SHLD3: variants seen among roughly 807,000 people sequenced by gnomAD.
SHLD3 encodes REV7-interacting novel NHEJ regulator 1.
In SHLD3, 15 loss-of-function variants were observed where a neutral mutation model predicts 21.4. That is an observed-to-expected ratio of 0.70 (90% CI 0.47 to 1.08). The LOEUF (loss-of-function observed/expected upper bound fraction) is 1.08, where lower values mean the gene tolerates loss of function less well. Ranked by LOEUF, SHLD3 falls within the 50% of genes least tolerant of loss-of-function variation. The probability of loss-of-function intolerance (pLI) is 0.00; values close to 1 mark genes in which losing one functional copy is unlikely to be tolerated. For synonymous variants in SHLD3, 103 were observed against 97.2 expected (o/e 1.06, Z -0.35); for missense variants, 273 against 286.1 (o/e 0.95, Z 0.33).
intron 1 of SHLD3, among the ~76,000 whole-genome samples, chr5:65,627,579 G>A (rs37251): frequency 0.62 from 93,990 of 151,284 alleles, 29,442 homozygotes; most frequent in South Asian, 0.65. Context: ...GCTGTAAGCC[G>A]AGATTGTGCC....
chr5:65,625,186 C>T (rs969932476), intron 1 of SHLD3, 80 bp downstream of exon 1: 2 of 1,220,852 alleles, frequency 1.6e-6, no homozygotes, highest in African/African-American at 3.0e-5. Context: ...ATGTAGGCCT[C>T]ATCCTTCTTA....
chr5:65,626,206 A>C (rs549951427), intron 1 of SHLD3: 2 of 152,352 alleles, frequency 1.3e-5, no homozygotes, highest in African/African-American at 4.8e-5. Context: ...TCTCACTTCA[A>C]GTATGTGGAG....
Position 65,625,112 on chromosome 5 carries a change from C to T in SHLD3, c.-121+6C>T, listed in dbSNP as rs754622168. ...GCACCTGCTGGCGCTAAAAGGTAAA[C>T]TTTTGCGAACCTGATTCCCCCTTTT... On this transcript the variant is annotated splice_donor_region_variant and intron_variant, in intron 1 of 1. Transcript: ENST00000510585. 3 of 1,612,236 alleles carry T rather than the reference C, an allele frequency of 1.9e-6. No individual in the cohort carries two copies. The South Asian group carries it at 3.3e-5, about 18-fold the overall frequency.
At chr5:65,628,966 C>T (rs1012190633) in intron 1 of SHLD3, among the ~76,000 whole-genome samples, 3 of 151,856 alleles carry the variant, frequency 2.0e-5, no homozygotes, top group Non-Finnish European at 4.4e-5. Flanking sequence ...TACAGGCATG[C>T]GCCACCACAC....
rs1182179226 is a variant in SHLD3, at chr5:65,630,072, A to G, written c.485A>G (p.His162Arg). ...LQDSLKALNL[H>R]SLYRARWTIE... ...GATAGTTTAAAGGCACTAAATTTACACTCACTTTATAGAGCAAGATGGACA... is the reference window on the plus strand; with the variant it reads ...GATAGTTTAAAGGCACTAAATTTACGCTCACTTTATAGAGCAAGATGGACA... Residue 162 changes from histidine (H) to arginine (R), a missense_variant, in exon 2 of 2, where the codon CAC (histidine) becomes CGC (arginine). His to Arg is a conservative substitution (Grantham distance 29). Transcript: ENST00000510585. 1 of 1,536,080 alleles carries G rather than the reference A, an allele frequency of 6.5e-7. No individual in the cohort carries two copies. The highest frequency in any genetic ancestry group is 1.2e-5 in the South Asian group (1 of 84,064).
Position 65,625,991 on chromosome 5 carries a change from T to G in SHLD3, c.-121+885T>G, listed in dbSNP as rs756839532. 2.6e-5 allele frequency: 4 copies of G among 152,354 alleles called. No homozygotes were observed. The South Asian group carries it at 8.3e-4, about 32-fold the overall frequency. The allele number at this position is 152,354 out of a possible 1,614,324, so 9.4% of individuals were successfully genotyped here. A position where few individuals can be genotyped will look rare whatever the true frequency, so the allele number is the denominator to read the frequency against. ...TGTAGTCATCAGACTTTCTAGAAGC[T>G]CATCAGTCTCATATAATGATGCCTG... On this transcript the variant is annotated intron_variant, in intron 1 of 1. Transcript: ENST00000510585.
chr5:65,629,675 T>C lies in SHLD3; in HGVS notation c.88T>C (p.Phe30Leu), dbSNP rs1430754938. The C allele has an allele frequency of 9.8e-6, 15 of 1,536,080 alleles. No homozygotes were observed. The highest frequency in any genetic ancestry group is 1.2e-5 in the South Asian group (1 of 84,066). ...AATTGCAGAAAAAGCAATTCAAGAC[T>C]TTCCTACTCGTCCGCTATCAAGATT... ...PKIAEKAIQD[F>L]PTRPLSRFIP... Residue 30 changes from phenylalanine (F) to leucine (L), a missense_variant, in exon 2 of 2, where the codon TTT becomes CTT. Coordinates refer to ENST00000510585, the MANE Select transcript of SHLD3 (RefSeq NM_001365341.2).
At position 65,630,298 on chromosome 5, in the gene SHLD3, T is replaced by G. The variant is rs771009301; in HGVS notation, c.711T>G (p.Ile237Met). ...LKGRLALTGK[I>M]NLFVHKYGVI... Reference sequence around the variant, plus strand: ...GAAGATTAGCTCTTACTGGAAAAATTAATTTATTTGTGCATAAATATGGTG... The same window carrying G: ...GAAGATTAGCTCTTACTGGAAAAATGAATTTATTTGTGCATAAATATGGTG... The change falls in exon 2 of 2, where the codon ATT becomes ATG. Residue 237 changes from isoleucine (I) to methionine (M), a missense_variant. By Grantham distance (10) the Ile-to-Met change is conservative (BLOSUM62 1). Coordinates refer to ENST00000510585, the MANE Select transcript of SHLD3 (RefSeq NM_001365341.2). The G allele has an allele frequency of 2.7e-5, 41 of 1,530,504 alleles. No homozygotes were observed. In the African/African-American group the frequency reaches 5.4e-4, roughly 20 times the overall value. 94.8% of individuals were successfully genotyped at this position (1,530,504 alleles called of 1,614,324 possible).
Position 65,629,685 on chromosome 5 carries a change from G to A in SHLD3, c.98G>A (p.Arg33His), listed in dbSNP as rs746062019. ...AEKAIQDFPTRPLSRFIPWFP... is the reference protein window; with the variant it reads ...AEKAIQDFPTHPLSRFIPWFP... ...AAAGCAATTCAAGACTTTCCTACTC[G>A]TCCGCTATCAAGATTTATACCTTGG... Residue 33 changes from arginine (R) to histidine (H), a missense_variant, in exon 2 of 2, where the codon CGT (arginine) becomes CAT (histidine). Coordinates refer to ENST00000510585, the MANE Select transcript of SHLD3 (RefSeq NM_001365341.2). The A allele has an allele frequency of 3.0e-5, 46 of 1,535,800 alleles. No homozygotes were observed. The highest frequency in any genetic ancestry group is 1.7e-4 in the Middle Eastern group (1 of 6,012).
chr5:65,628,845 A>G (rs1161107821), intron 1 of SHLD3, among the ~76,000 whole-genome samples: 1 of 149,904 alleles, frequency 6.7e-6, no homozygotes, highest in Non-Finnish European at 1.5e-5. Context: ...TTTTAATGAG[A>G]TGAAGTCTTG....
chr5:65,629,482 T>G lies in SHLD3; in HGVS notation c.-106T>G. The stretch of plus-strand genomic sequence containing the variant: ...TTCTACTTTAGGTCCTGTTTCCCTC[T>G]GATTTGGCAAGAGAGACAATCTTGC... On this transcript the variant is annotated 5_prime_UTR_variant, in exon 2 of 2. An upstream open reading frame in the 5' UTR loses its in-frame stop. Transcript: ENST00000510585. 7.0e-7 allele frequency: 1 copy of G among 1,430,202 alleles called. No homozygotes were observed. Among genetic ancestry groups the G allele is most frequent in the Non-Finnish European group, 9.1e-7 (1 of 1,097,098 alleles). 88.6% of individuals were successfully genotyped at this position (1,430,202 alleles called of 1,614,324 possible).
In SHLD3 at chr5:65,630,312, A is replaced by C. The variant is rs1319733113; in HGVS notation, c.725A>C (p.His242Pro). The C allele has an allele frequency of 6.6e-7, 1 of 1,525,650 alleles. No homozygotes were observed. Among genetic ancestry groups the C allele is most frequent in the Non-Finnish European group, 8.8e-7 (1 of 1,140,492 alleles). The allele number at this position is 1,525,650 out of a possible 1,614,324, so 94.5% of individuals were successfully genotyped here. A position where few individuals can be genotyped will look rare whatever the true frequency, so the allele number is the denominator to read the frequency against. Residue 242 changes from histidine to proline, a missense_variant, in exon 2 of 2, where the codon CAT becomes CCT. Transcript: ENST00000510585. ...ACTGGAAAAATTAATTTATTTGTGC[A>C]TAAATATGGTGTTATTTTTAGTATG... ...ALTGKINLFVHKYGVIFSM is the reference protein window; with the variant it reads ...ALTGKINLFVPKYGVIFSM
Position 65,629,484 on chromosome 5 carries a change from A to G in SHLD3, c.-104A>G. On this transcript the variant is annotated 5_prime_UTR_variant, in exon 2 of 2. It removes the in-frame stop codon of an upstream open reading frame in the 5' UTR. Coordinates refer to ENST00000510585, the MANE Select transcript of SHLD3 (RefSeq NM_001365341.2). Reference sequence around the variant, plus strand: ...CTACTTTAGGTCCTGTTTCCCTCTGATTTGGCAAGAGAGACAATCTTGCAA... The same window carrying G: ...CTACTTTAGGTCCTGTTTCCCTCTGGTTTGGCAAGAGAGACAATCTTGCAA... 2.1e-6 allele frequency: 3 copies of G among 1,431,276 alleles called. No individual in the cohort carries two copies. The highest frequency in any genetic ancestry group is 1.8e-6 in the Non-Finnish European group (2 of 1,097,698). 88.7% of individuals were successfully genotyped at this position (1,431,276 alleles called of 1,614,324 possible). A position where few individuals can be genotyped will look rare whatever the true frequency, so the allele number is the denominator to read the frequency against.
At chr5:65,629,446 C>T (rs967550520) in intron 1 of SHLD3, 22 bp from the exon 2 acceptor site, 1 of 1,396,804 alleles carries the variant, frequency 7.2e-7, no homozygotes. Flanking sequence ...ATATCTTATT[C>T]TTTGCAATAC....
At chr5:65,627,805 A>G (rs1026562494) in intron 1 of SHLD3, among the ~76,000 whole-genome samples, 4 of 152,200 alleles carry the variant, frequency 2.6e-5, no homozygotes, top group African/African-American at 9.6e-5. Flanking sequence ...TAAAATATGG[A>G]TGTTAAAGAT....
rs1755446970 is a variant in SHLD3 at position 65,629,747 on chromosome 5, A to G, written c.160A>G (p.Lys54Glu). The G allele has an allele frequency of 1.3e-6, 2 of 1,536,084 alleles. No individual in the cohort carries two copies. Among genetic ancestry groups the G allele is most frequent in the Non-Finnish European group, 1.7e-6 (2 of 1,146,878 alleles). The change falls in exon 2 of 2, where the codon AAA (lysine) becomes GAA (glutamate). Residue 54 changes from lysine (K) to glutamate (E), a missense_variant. Physicochemically the swap from Lys to Glu is moderately conservative, Grantham distance 56 (BLOSUM62 1). Coordinates refer to ENST00000510585, the MANE Select transcript of SHLD3 (RefSeq NM_001365341.2). ...TGGGTCCAAGCTTCCACTCAGACCTAAAAGATCACCACCTGTGATTTCTGA... is the reference window on the plus strand; with the variant it reads ...TGGGTCCAAGCTTCCACTCAGACCTGAAAGATCACCACCTGTGATTTCTGA... Reference protein sequence around the residue: ...YDGSKLPLRPKRSPPVISEEA... With the variant: ...YDGSKLPLRPERSPPVISEEA...
In SHLD3 at chr5:65,629,722, TG is replaced by T; in HGVS notation, c.138del (p.Ser47ProfsTer13). The T allele has an allele frequency of 6.5e-7, 1 of 1,536,098 alleles. No individual in the cohort carries two copies. Among genetic ancestry groups the T allele is most frequent in the East Asian group, 2.4e-5 (1 of 40,896 alleles). ...SRFIPWFPYD[G>X]SKLPLRPKRS... The stretch of plus-strand genomic sequence containing the variant: ...GATTTATACCTTGGTTTCCATATGA[TG>T]GGTCCAAGCTTCCACTCAGACCTAA... On this transcript the variant is annotated frameshift_variant, in exon 2 of 2. Transcript: ENST00000510585. LOFTEE classifies it high-confidence loss of function.
chr5:65,625,227 C>G (rs1755154956), intron 1 of SHLD3, 121 bp downstream of exon 1: 1 of 862,500 alleles, frequency 1.2e-6, no homozygotes, highest in African/African-American at 1.7e-5. Context: ...CTGCTCTGTC[C>G]TTTGCCGCCA....
chr5:65,630,321 G>A lies in SHLD3; in HGVS notation c.734G>A (p.Gly245Asp). 1 of 1,518,590 alleles carries A rather than the reference G, an allele frequency of 6.6e-7. No homozygotes were observed. The highest frequency in any genetic ancestry group is 8.8e-7 in the Non-Finnish European group (1 of 1,136,370). The allele number at this position is 1,518,590 out of a possible 1,614,324, so 94.1% of individuals were successfully genotyped here. A position where few individuals can be genotyped will look rare whatever the true frequency, so the allele number is the denominator to read the frequency against. The change falls in exon 2 of 2, where the codon GGT (glycine) becomes GAT (aspartate). Residue 245 changes from glycine to aspartate, a missense_variant. Transcript: ENST00000510585. Reference sequence around the variant, plus strand: ...ATTAATTTATTTGTGCATAAATATGGTGTTATTTTTAGTATGTAATGAATT... The same window carrying A: ...ATTAATTTATTTGTGCATAAATATGATGTTATTTTTAGTATGTAATGAATT... ...GKINLFVHKY[G>D]VIFSM
Sources: gnomAD v4.1 joint callset for allele counts (sites outside exome capture counted in the v4.1 genomes callset) on GRCh38, gnomAD v4.1.1 for gene constraint, MANE v1.5 for transcripts, NCBI Gene and HGNC (gene_info 2026-07-23, HGNC 2026-07-21) for gene names.